GLCCI1: variants seen among roughly 807,000 people sequenced by gnomAD.
GLCCI1 encodes the protein glucocorticoid-induced transcript 1 protein.
A neutral mutation model predicts 52.2 loss-of-function variants in GLCCI1; 24 were observed. The observed-to-expected ratio is 0.46, with a 90% confidence interval of 0.33 to 0.65. GLCCI1 has a LOEUF of 0.65. GLCCI1 is among the 30% of genes least tolerant of loss of function. GLCCI1 has a pLI of 0.02. For missense variants in GLCCI1, 704 were observed against 701.5 expected, an observed-to-expected ratio of 1.00 and a Z score of -0.04; for synonymous variants, 310 against 276.5, an observed-to-expected ratio of 1.12 and a Z score of -1.20.
intron 1 of GLCCI1, among the ~76,000 whole-genome samples, chr7:7,974,741 C>T (rs1780427398): frequency 6.6e-6 from 1 of 152,070 alleles, no homozygotes; most frequent in Non-Finnish European, 1.5e-5. Flanking sequence ...AATAATCTGC[C>T]AAAGAGTATA....
chr7:8,079,578 A>G (rs1782951212), intron 6 of GLCCI1, among the ~76,000 whole-genome samples: 2 of 151,566 alleles, frequency 1.3e-5, no homozygotes, highest in African/African-American at 2.4e-5. Context: ...TAGTTAGCAT[A>G]TCAACAATAA....
At chr7:8,058,292 A>G (rs907527772) in intron 4 of GLCCI1, among the ~76,000 whole-genome samples, 3 of 152,234 alleles carry the variant, frequency 2.0e-5, no homozygotes, top group Admixed American at 6.5e-5. Context: ...ACATTAATAG[A>G]TGGGAAGATT....
In GLCCI1 at chr7:8,083,264, CTCATA is replaced by C. The variant is rs143514028; in HGVS notation, c.1178-1631_1178-1627del. Among the ~76,000 whole-genome samples, 849 of 152,130 alleles carry C rather than the reference CTCATA, an allele frequency of 5.6e-3. 3 individuals carry two copies. Among genetic ancestry groups the C allele is most frequent in the African/African-American group, 0.019 (791 of 41,528 alleles). ...CTCCCTACTTACTTGTATTTTTGATCTCATATATTTCCTTTGCCTGGTTTGTTGCT... is the reference window on the plus strand; with the variant it reads ...CTCCCTACTTACTTGTATTTTTGATCTATTTCCTTTGCCTGGTTTGTTGCT... On this transcript the variant is annotated intron_variant, in intron 6 of 7. Coordinates refer to ENST00000223145, the MANE Select transcript of GLCCI1 (RefSeq NM_138426.4).
chr7:7,989,518 A>T (rs1236099020), intron 1 of GLCCI1, among the ~76,000 whole-genome samples: 1 of 152,130 alleles, frequency 6.6e-6, no homozygotes, highest in Non-Finnish European at 1.5e-5. Flanking sequence ...GTGATTTTAG[A>T]TGAGCCTCAC....
At chr7:8,039,115 T>C (rs1781940125) in intron 3 of GLCCI1, among the ~76,000 whole-genome samples, 1 of 152,134 alleles carries the variant, frequency 6.6e-6, no homozygotes, top group South Asian at 2.1e-4. Flanking sequence ...AAAATAGTTG[T>C]TGGTGAGGAA....
At chr7:7,995,525 G>C (rs35240411) in intron 1 of GLCCI1, among the ~76,000 whole-genome samples, 1 of 152,092 alleles carries the variant, frequency 6.6e-6, no homozygotes, top group Non-Finnish European at 1.5e-5. Flanking sequence ...TGATAGACTG[G>C]ATTAAGAAAA....
intron 3 of GLCCI1, among the ~76,000 whole-genome samples, chr7:8,036,385 A>G (rs1046136832): frequency 1.3e-5 from 2 of 152,198 alleles, no homozygotes; most frequent in East Asian, 1.9e-4. Flanking sequence ...TTATAGTCTC[A>G]TCCTTAAGAT....
chr7:8,071,762 C>T (rs1782766524), intron 6 of GLCCI1, among the ~76,000 whole-genome samples: 1 of 152,172 alleles, frequency 6.6e-6, no homozygotes, highest in South Asian at 2.1e-4. Flanking sequence ...CCCCTAAGAC[C>T]TAGCTACAGA....
intron 3 of GLCCI1, among the ~76,000 whole-genome samples, chr7:8,042,388 T>C (rs181241287): frequency 1.3e-3 from 191 of 152,270 alleles, no homozygotes; most frequent in African/African-American, 4.2e-3. Flanking sequence ...CATTGGAGGA[T>C]TTCAAAATAT....
chr7:8,032,146 A>C (rs1781766970), intron 3 of GLCCI1, among the ~76,000 whole-genome samples: 1 of 152,044 alleles, frequency 6.6e-6, no homozygotes, highest in Non-Finnish European at 1.5e-5. Flanking sequence ...ATCTTAGAAA[A>C]TCCCAAATAT....
At chr7:8,051,189 T>TTC (rs1782250852) in intron 3 of GLCCI1, among the ~76,000 whole-genome samples, 1 of 152,370 alleles carries the variant, frequency 6.6e-6, no homozygotes, top group East Asian at 1.9e-4. Flanking sequence ...ATTATAGGAA[T>TTC]ATCCCTTTAC....
chr7:7,992,201 A>G (rs1053190990), intron 1 of GLCCI1, among the ~76,000 whole-genome samples: 1 of 151,640 alleles, frequency 6.6e-6, no homozygotes, highest in African/African-American at 2.4e-5. Flanking sequence ...CTGGAAATTT[A>G]TAGTCTTAAA....
chr7:8,025,879 G>GT (rs1781608951), intron 3 of GLCCI1, among the ~76,000 whole-genome samples: 1 of 152,206 alleles, frequency 6.6e-6, no homozygotes, highest in African/African-American at 2.4e-5. Flanking sequence ...GTCTTCCAAA[G>GT]TGAAGGTGAA....
intron 6 of GLCCI1, among the ~76,000 whole-genome samples, chr7:8,078,395 A>C (rs1247725335): frequency 6.6e-6 from 1 of 152,086 alleles, no homozygotes; most frequent in Non-Finnish European, 1.5e-5. Flanking sequence ...TAGCCATGTT[A>C]ATAGTCTAGT....
chr7:7,977,503 TGTC>T (rs1780518255), intron 1 of GLCCI1, among the ~76,000 whole-genome samples: 1 of 152,184 alleles, frequency 6.6e-6, no homozygotes, highest in South Asian at 2.1e-4. Flanking sequence ...TCCATAGACA[TGTC>T]GTAGAGGCAT....
chr7:7,982,108 C>T, intron 1 of GLCCI1: 1 of 431,534 alleles, frequency 2.3e-6, no homozygotes, highest in South Asian at 1.9e-5. Context: ...AGAGGAATGG[C>T]CATTATAGTA....
intron 1 of GLCCI1, among the ~76,000 whole-genome samples, chr7:7,997,874 C>T (rs1780966359): frequency 6.6e-6 from 1 of 151,730 alleles, no homozygotes; most frequent in African/African-American, 2.4e-5. Flanking sequence ...TTACAGTGAG[C>T]CGAGATCATA....
chr7:8,060,126 C>G lies in GLCCI1; in HGVS notation c.844C>G (p.Leu282Val), dbSNP rs1782480869. ...TGGATCAAGGTCAGTTCCTATGCCA[C>G]TGTCAAATATATCAGTGCCAAAATC... ...ATGSRSVPMP[L>V]SNISVPKSSV... The change falls in exon 5 of 8, where the codon CTG becomes GTG. Residue 282 changes from leucine to valine, a missense_variant. Transcript: ENST00000223145. The G allele has an allele frequency of 1.2e-6, 2 of 1,613,722 alleles. No individual in the cohort carries two copies. Among genetic ancestry groups the G allele is most frequent in the South Asian group, 2.2e-5 (2 of 91,010 alleles).
intron 6 of GLCCI1, among the ~76,000 whole-genome samples, chr7:8,080,813 C>CT (rs985989840): frequency 1.4e-5 from 2 of 147,782 alleles, no homozygotes; most frequent in African/African-American, 2.5e-5. Context: ...TATCCTAATC[C>CT]TTTTTTTGTT....
Sources: gnomAD v4.1 joint callset for allele counts (sites outside exome capture counted in the v4.1 genomes callset) on GRCh38, gnomAD v4.1.1 for gene constraint, MANE v1.5 for transcripts, NCBI Gene and HGNC (gene_info 2026-07-23, HGNC 2026-07-21) for gene names.